RCAN1: variants seen among roughly 807,000 people sequenced by gnomAD.
RCAN1 encodes the protein calcipressin-1.
A neutral mutation model predicts 22.9 loss-of-function variants in RCAN1; 11 were observed. The ratio of observed to expected loss-of-function variants is 0.48; its 90% CI spans 0.30 to 0.79. The LOEUF (loss-of-function observed/expected upper bound fraction) is 0.79. Ranked by LOEUF, RCAN1 falls within the 30% of genes least tolerant of loss-of-function variation. The pLI is 0.06. For missense variants in RCAN1, 291 were observed against 337.8 expected, an observed-to-expected ratio of 0.86 and a Z score of 1.09; for synonymous variants, 136 against 142.3, an observed-to-expected ratio of 0.96 and a Z score of 0.32.
intron 1 of RCAN1, among the ~76,000 whole-genome samples, chr21:34,610,397 C>A (rs373880673): frequency 2.0e-5 from 3 of 152,022 alleles, no homozygotes; most frequent in African/African-American, 7.2e-5. Context: ...AATGCCCCAT[C>A]TCCTGGTCTG....
intron 1 of RCAN1, among the ~76,000 whole-genome samples, chr21:34,557,214 AAAAAT>A (rs1196694312): frequency 1.3e-5 from 2 of 152,208 alleles, no homozygotes; most frequent in African/African-American, 2.4e-5. Flanking sequence ...CTCTGTTTCG[AAAAAT>A]AAAATAAAAT....
chr21:34,517,847 C>G lies in RCAN1; in HGVS notation c.*237G>C. 1 of 560,262 alleles carries G rather than the reference C, an allele frequency of 1.8e-6. No homozygotes were observed. Among genetic ancestry groups the G allele is most frequent in the Non-Finnish European group, 3.2e-6 (1 of 313,808 alleles). The allele number at this position is 560,262 out of a possible 1,614,324, so 34.7% of individuals were successfully genotyped here. On this transcript the variant is annotated 3_prime_UTR_variant, in exon 4 of 4. Coordinates refer to ENST00000313806, the MANE Select transcript of RCAN1 (RefSeq NM_004414.7). ...CAAGACAGTCCCAAATGTCCTTGTG[C>G]GATCACCACAAACTCAGTGATTGGC...
rs1267118000 is a variant in RCAN1 at position 34,518,261 on chromosome 21, G to A, written c.587-5C>T. 2 of 1,613,256 alleles carry A rather than the reference G, an allele frequency of 1.2e-6. No homozygotes were observed. The highest frequency in any genetic ancestry group is 1.7e-6 in the Non-Finnish European group (2 of 1,179,486). ...CGTGCAATTCATACTTTTCCCCTAA[G>A]GAGGGAAAATAATCGCAGGGTCACT... On this transcript the variant is annotated splice_polypyrimidine_tract_variant and splice_region_variant and intron_variant, in intron 3 of 3. Coordinates refer to ENST00000313806, the MANE Select transcript of RCAN1 (RefSeq NM_004414.7). This position sits in a 1 kb window ranked among gnomAD's most constrained non-coding sequence, Gnocchi z 4.2.
chr21:34,570,704 A>G (rs987320962), intron 1 of RCAN1, among the ~76,000 whole-genome samples: 2 of 151,012 alleles, frequency 1.3e-5, no homozygotes, highest in African/African-American at 4.9e-5. Context: ...CAATCAACCC[A>G]GTAACACTAC....
At chr21:34,600,774 C>T (rs955582858) in intron 1 of RCAN1, among the ~76,000 whole-genome samples, 9 of 152,176 alleles carry the variant, frequency 5.9e-5, no homozygotes, top group Admixed American at 5.9e-4. Context: ...CACATTAAAA[C>T]ATCCTTTTAG....
At chr21:34,585,760 A>AAAAAC (rs1987772570) in intron 1 of RCAN1, among the ~76,000 whole-genome samples, 1 of 150,630 alleles carries the variant, frequency 6.6e-6, no homozygotes, top group African/African-American at 2.4e-5. Context: ...AAAAAAAAAA[A>AAAAAC]AAAACATAAT....
intron 1 of RCAN1, among the ~76,000 whole-genome samples, chr21:34,534,875 C>A (rs1219392413): frequency 6.6e-6 from 1 of 152,174 alleles, no homozygotes; most frequent in African/African-American, 2.4e-5. Context: ...CACTGGCCCG[C>A]ACCATCACAT....
intron 1 of RCAN1, among the ~76,000 whole-genome samples, chr21:34,544,771 G>C (rs1272644421): frequency 6.6e-6 from 1 of 152,232 alleles, no homozygotes; most frequent in Non-Finnish European, 1.5e-5. Context: ...CAGCCCTGCT[G>C]TCAGGAAGCA....
At chr21:34,578,747 T>C (rs1426673816) in intron 1 of RCAN1, among the ~76,000 whole-genome samples, 1 of 151,976 alleles carries the variant, frequency 6.6e-6, no homozygotes, top group African/African-American at 2.4e-5. Context: ...TTTCCAAGAG[T>C]GCAGGGCATG....
At chr21:34,552,035 C>CT (rs1466703850) in intron 1 of RCAN1, among the ~76,000 whole-genome samples, 1 of 152,146 alleles carries the variant, frequency 6.6e-6, no homozygotes, top group Non-Finnish European at 1.5e-5. Context: ...CGTGATGTCT[C>CT]TATCAGGGTT....
In RCAN1 at chr21:34,614,205, G is replaced by A. The variant is rs1339643225; in HGVS notation, c.252+555C>T. 1 of 967,606 alleles carries A rather than the reference G, an allele frequency of 1.0e-6. No homozygotes were observed. Among genetic ancestry groups the A allele is most frequent in the Non-Finnish European group, 1.2e-6 (1 of 807,712 alleles). 59.9% of individuals were successfully genotyped at this position (967,606 alleles called of 1,614,324 possible). On this transcript the variant is annotated intron_variant, in intron 1 of 3. Transcript: ENST00000313806. The surrounding 1 kb of genome is among the most constrained non-coding windows in gnomAD (Gnocchi z 6.0). ...TAAATATCCTAAAGGTCTGAAAGAT[G>A]GTCCCCTTCCCCCCAACACAATTCC...
intron 1 of RCAN1, among the ~76,000 whole-genome samples, chr21:34,608,678 T>A (rs2123735872): frequency 6.6e-6 from 1 of 152,322 alleles, no homozygotes; most frequent in Non-Finnish European, 1.5e-5. Context: ...TGTGACATAA[T>A]TAACATTTAT....
chr21:34,614,221 A>C lies in RCAN1; in HGVS notation c.252+539T>G. Reference sequence around the variant, plus strand: ...CTGAAAGATGGTCCCCTTCCCCCCAACACAATTCCACCAAAACTGGCCAGC... The same window carrying C: ...CTGAAAGATGGTCCCCTTCCCCCCACCACAATTCCACCAAAACTGGCCAGC... On this transcript the variant is annotated intron_variant, in intron 1 of 3. Transcript: ENST00000313806. The surrounding 1 kb of genome is among the most constrained non-coding windows in gnomAD (Gnocchi z 6.0). 2 of 994,472 alleles carry C rather than the reference A, an allele frequency of 2.0e-6. No homozygotes were observed. Among genetic ancestry groups the C allele is most frequent in the Non-Finnish European group, 2.4e-6 (2 of 834,132 alleles). The allele number at this position is 994,472 out of a possible 1,614,324, so 61.6% of individuals were successfully genotyped here. A position where few individuals can be genotyped will look rare whatever the true frequency, so the allele number is the denominator to read the frequency against.
Position 34,597,093 on chromosome 21 carries a change from G to A in RCAN1, c.252+17667C>T, listed in dbSNP as rs114376883. 8.5e-3 allele frequency among the ~76,000 whole-genome samples: 1,299 copies of A among 152,248 alleles called. 22 individuals carry two copies. The highest frequency in any genetic ancestry group is 0.029 in the African/African-American group (1,218 of 41,536). On this transcript the variant is annotated intron_variant, in intron 1 of 3. Coordinates refer to ENST00000313806, the MANE Select transcript of RCAN1 (RefSeq NM_004414.7). ...ATCTCAGCATCTCTGGGCACAATGA[G>A]TGGCCACCAGGGCCTTTCTAGCATT...
chr21:34,606,006 C>T (rs946742687), intron 1 of RCAN1, among the ~76,000 whole-genome samples: 2 of 152,126 alleles, frequency 1.3e-5, no homozygotes, highest in African/African-American at 2.4e-5. Context: ...TCAACAGTTC[C>T]TCACCTGTGT....
chr21:34,613,880 A>G (rs1988746180), intron 1 of RCAN1: 2 of 1,392,846 alleles, frequency 1.4e-6, no homozygotes, highest in Admixed American at 2.6e-5. Context: ...CAAGCGCTGA[A>G]AGCACTGCTT....
chr21:34,558,917 A>C (rs1296777135), intron 1 of RCAN1, among the ~76,000 whole-genome samples: 1 of 152,206 alleles, frequency 6.6e-6, no homozygotes, highest in African/African-American at 2.4e-5. Flanking sequence ...GGATAATCTC[A>C]TTCAGCTTAT....
At chr21:34,598,546 G>A (rs1848087207) in intron 1 of RCAN1, among the ~76,000 whole-genome samples, 2 of 152,162 alleles carry the variant, frequency 1.3e-5, no homozygotes, top group African/African-American at 4.8e-5. Flanking sequence ...AATGTCCAGT[G>A]AATTAAAAGC....
At chr21:34,555,186 A>G (rs1048075279) in intron 1 of RCAN1, among the ~76,000 whole-genome samples, 3 of 152,234 alleles carry the variant, frequency 2.0e-5, no homozygotes, top group African/African-American at 7.2e-5. Flanking sequence ...AAACCAGATG[A>G]AAAGAGACAG....
Sources: allele counts gnomAD v4.1 joint callset (sites outside exome capture counted in the v4.1 genomes callset), GRCh38; gene constraint gnomAD v4.1.1; non-coding constraint Gnocchi (gnomAD v3.1); transcripts MANE v1.5; gene names NCBI Gene and HGNC (gene_info 2026-07-23, HGNC 2026-07-21).